DTNB: variants seen among roughly 807,000 people sequenced by gnomAD.
DTNB encodes the protein DTN-B.
Under a neutral mutation model 90.7 loss-of-function variants are expected in DTNB, and 63 were observed. The observed-to-expected ratio is 0.69, with a 90% confidence interval of 0.57 to 0.86. DTNB has a LOEUF of 0.86. DTNB is among the 40% of genes least tolerant of loss of function. The pLI is 0.00. For synonymous variants in DTNB, 277 were observed against 286.7 expected (o/e 0.97, Z 0.34); for missense variants, 744 against 807.1 (o/e 0.92, Z 0.95).
chr2:25,475,876 A>G (rs1358043955), intron 10 of DTNB, among the ~76,000 whole-genome samples: 1 of 152,190 alleles, frequency 6.6e-6, no homozygotes, highest in East Asian at 1.9e-4. Flanking sequence ...AGCACGGTTT[A>G]ATGAATATTT....
intron 12 of DTNB, among the ~76,000 whole-genome samples, chr2:25,439,749 T>C (rs1272295755): frequency 6.6e-6 from 1 of 152,186 alleles, no homozygotes; most frequent in Non-Finnish European, 1.5e-5. Context: ...TTCTTGTCTA[T>C]AAAATGGGAA....
At chr2:25,671,704 T>G (rs1004338126) in intron 1 of DTNB, among the ~76,000 whole-genome samples, 3 of 152,232 alleles carry the variant, frequency 2.0e-5, no homozygotes, top group African/African-American at 7.2e-5. Context: ...CAGCACTACC[T>G]TGACTGCACA....
chr2:25,571,114 T>TA (rs1381780874), intron 8 of DTNB, among the ~76,000 whole-genome samples: 2 of 152,186 alleles, frequency 1.3e-5, no homozygotes, highest in Non-Finnish European at 2.9e-5. Flanking sequence ...GACAAAATCT[T>TA]AGACTTTTCC....
Position 25,387,139 on chromosome 2 carries a change from A to G in DTNB, c.1825+150T>C. On this transcript the variant is annotated intron_variant, in intron 18 of 20. Coordinates refer to ENST00000406818, the MANE Select transcript of DTNB (RefSeq NM_021907.5). This position sits in a 1 kb window ranked among gnomAD's most constrained non-coding sequence, Gnocchi z 4.5. Reference sequence around the variant, plus strand: ...TGACAGAGGCTCTCTGGGTGGAGACATCCAGTGTGTTCCTAGAAGGCAAAG... The same window carrying G: ...TGACAGAGGCTCTCTGGGTGGAGACGTCCAGTGTGTTCCTAGAAGGCAAAG... 1 of 661,324 alleles carries G rather than the reference A, an allele frequency of 1.5e-6. No homozygotes were observed. The highest frequency in any genetic ancestry group is 1.9e-5 in the South Asian group (1 of 52,370). 41.0% of individuals were successfully genotyped at this position (661,324 alleles called of 1,614,324 possible).
intron 10 of DTNB, among the ~76,000 whole-genome samples, chr2:25,463,856 G>C (rs1282920491): frequency 6.6e-6 from 1 of 152,204 alleles, no homozygotes; most frequent in Non-Finnish European, 1.5e-5. Flanking sequence ...GATACAGATG[G>C]ATAGAGAAAT....
At chr2:25,550,284 G>T (rs1430699448) in intron 8 of DTNB, among the ~76,000 whole-genome samples, 1 of 152,018 alleles carries the variant, frequency 6.6e-6, no homozygotes, top group Non-Finnish European at 1.5e-5. Context: ...CCAGCTACTC[G>T]GGAGGCTGAG....
At chr2:25,489,921 T>C (rs1032895828) in intron 9 of DTNB, among the ~76,000 whole-genome samples, 3 of 151,970 alleles carry the variant, frequency 2.0e-5, no homozygotes, top group Admixed American at 1.3e-4. Context: ...ATTAGATAAA[T>C]GGGTAAAGTA....
At chr2:25,490,795 A>G (rs1378320693) in intron 9 of DTNB, among the ~76,000 whole-genome samples, 2 of 152,208 alleles carry the variant, frequency 1.3e-5, no homozygotes, top group Non-Finnish European at 2.9e-5. Context: ...TTTGATATCT[A>G]TCAGACACTT....
In DTNB at chr2:25,471,459, C is replaced by T. The variant is rs529406363; in HGVS notation, c.1079+11337G>A. Among the ~76,000 whole-genome samples the T allele has an allele frequency of 7.4e-4, 112 of 151,200 alleles. No homozygotes were observed. The South Asian group carries it at 0.022, about 30-fold the overall frequency. On this transcript the variant is annotated intron_variant, in intron 10 of 20. Transcript: ENST00000406818. ...TCAGGCTGGAGTGCAGCGGCCCAAT[C>T]TCAATTGCTCACTGAAACCTCCGTC...
chr2:25,457,749 G>C (rs772061861), intron 10 of DTNB, among the ~76,000 whole-genome samples: 1 of 152,126 alleles, frequency 6.6e-6, no homozygotes, highest in Admixed American at 6.5e-5. Context: ...CTTAGTAGTG[G>C]TATTTCCATT....
intron 8 of DTNB, among the ~76,000 whole-genome samples, chr2:25,558,713 A>G (rs2057761977): frequency 6.6e-6 from 1 of 152,236 alleles, no homozygotes; most frequent in Admixed American, 6.5e-5. Context: ...GGTTTTATGA[A>G]TAAATCGTGC....
intron 4 of DTNB, among the ~76,000 whole-genome samples, chr2:25,609,022 T>C (rs1040390476): frequency 6.6e-6 from 1 of 152,058 alleles, no homozygotes; most frequent in Non-Finnish European, 1.5e-5. Context: ...CCAGCATCAG[T>C]GGTGTTTGGA....
chr2:25,459,974 G>C (rs2060681546), intron 10 of DTNB, among the ~76,000 whole-genome samples: 1 of 152,072 alleles, frequency 6.6e-6, no homozygotes, highest in Non-Finnish European at 1.5e-5. Flanking sequence ...TTCCTCTCTA[G>C]AAAGTAAACT....
intron 4 of DTNB, among the ~76,000 whole-genome samples, chr2:25,618,881 T>C (rs868392884): frequency 3.9e-5 from 6 of 152,302 alleles, no homozygotes; most frequent in Middle Eastern, 3.4e-3. Context: ...AAAAGAGTTA[T>C]TATCCAACAC....
At chr2:25,501,165 T>C (rs952522472) in intron 9 of DTNB, among the ~76,000 whole-genome samples, 2 of 151,964 alleles carry the variant, frequency 1.3e-5, no homozygotes, top group Non-Finnish European at 2.9e-5. Flanking sequence ...TAAAGATTGA[T>C]GAACATAAAA....
intron 1 of DTNB, among the ~76,000 whole-genome samples, chr2:25,662,177 AC>A (rs1177288510): frequency 1.3e-5 from 2 of 152,204 alleles, no homozygotes; most frequent in East Asian, 1.9e-4. Flanking sequence ...AACAAAAAAA[AC>A]AAATGGATGT....
chr2:25,499,448 C>A (rs1355030587), intron 9 of DTNB, among the ~76,000 whole-genome samples: 4 of 152,112 alleles, frequency 2.6e-5, no homozygotes, highest in African/African-American at 9.7e-5. Context: ...CTTCAGTGAC[C>A]ATGATGAACA....
chr2:25,587,133 A>T (rs2062597578), intron 6 of DTNB, among the ~76,000 whole-genome samples: 1 of 152,126 alleles, frequency 6.6e-6, no homozygotes, highest in Non-Finnish European at 1.5e-5. Flanking sequence ...GAAAAGGTAG[A>T]CTGTGGTTCG....
chr2:25,456,278 C>T (rs554881565), intron 10 of DTNB, among the ~76,000 whole-genome samples: 1 of 152,274 alleles, frequency 6.6e-6, no homozygotes, highest in East Asian at 1.9e-4. Context: ...ACATTTTGTG[C>T]AGGGACGAGT....
Sources: gnomAD v4.1 joint callset for allele counts (sites outside exome capture counted in the v4.1 genomes callset) on GRCh38, gnomAD v4.1.1 for gene constraint, Gnocchi (gnomAD v3.1) non-coding constraint, MANE v1.5 for transcripts, NCBI Gene and HGNC (gene_info 2026-07-23, HGNC 2026-07-21) for gene names.